GRIN2B: variants seen among roughly 807,000 people sequenced by gnomAD.
The protein encoded by GRIN2B is glutamate ionotropic receptor NMDA type subunit 2B.
In GRIN2B, 5 loss-of-function variants were observed where a neutral mutation model predicts 114.5. The ratio of observed to expected loss-of-function variants is 0.04; its 90% confidence interval spans 0.02 to 0.09. The LOEUF (loss-of-function observed/expected upper bound fraction) is 0.09, where lower values mean the gene tolerates loss of function less well. GRIN2B is among the 10% of genes least tolerant of loss of function. GRIN2B has a pLI of 1.00. For missense variants in GRIN2B, 1,108 were observed against 1,943.5 expected (o/e 0.57, Z 8.08); for synonymous variants, 787 against 745.1 (o/e 1.06, Z -0.92).
intron 4 of GRIN2B, among the ~76,000 whole-genome samples, chr12:13,748,892 A>G (rs1277954201): frequency 6.6e-6 from 1 of 152,236 alleles, no homozygotes; most frequent in African/African-American, 2.4e-5. Flanking sequence ...GTCCCATGCA[A>G]TATTTAGTAT....
rs140178991 is a variant in GRIN2B, at chr12:13,637,455, G to A, written c.1126-20798C>T. On this transcript the variant is annotated intron_variant, in intron 5 of 13. Transcript: ENST00000609686. The stretch of plus-strand genomic sequence containing the variant: ...GTGTGAAATTTAATTACACACCTGT[G>A]TACATTTCCTCAAGAAAAATATCAG... Among the ~76,000 whole-genome samples, 281 of 152,206 alleles carry A rather than the reference G, an allele frequency of 1.8e-3. 3 individuals are homozygous for A. Among genetic ancestry groups the A allele is most frequent in the African/African-American group, 6.5e-3 (269 of 41,554 alleles).
intron 2 of GRIN2B, among the ~76,000 whole-genome samples, chr12:13,961,698 G>A (rs1867694889): frequency 6.6e-6 from 1 of 152,180 alleles, no homozygotes; most frequent in African/African-American, 2.4e-5. Context: ...AGCATGAGGA[G>A]CTGTGTGCAT....
chr12:13,921,118 C>T (rs999004709), intron 2 of GRIN2B, among the ~76,000 whole-genome samples: 3 of 152,054 alleles, frequency 2.0e-5, no homozygotes, highest in Non-Finnish European at 2.9e-5. Context: ...TTTTAGGAAC[C>T]AGGCATGGTA....
intron 3 of GRIN2B, among the ~76,000 whole-genome samples, chr12:13,856,467 T>A (rs1347909637): frequency 6.6e-6 from 1 of 152,132 alleles, no homozygotes; most frequent in Non-Finnish European, 1.5e-5. Context: ...CTTGGGTCAC[T>A]GCAGCGTGTA....
intron 3 of GRIN2B, among the ~76,000 whole-genome samples, chr12:13,850,374 C>T (rs1018003781): frequency 1.1e-4 from 17 of 152,084 alleles, no homozygotes; most frequent in African/African-American, 4.1e-4. Context: ...TTCAGCTGAT[C>T]CAGGATCAAA....
rs753730949 is a variant in GRIN2B, at chr12:13,877,216, C to T, written c.-18-10990G>A. Among the ~76,000 whole-genome samples, 5 of 152,194 alleles carry T rather than the reference C, an allele frequency of 3.3e-5. No homozygotes were observed. The East Asian group carries it at 9.7e-4, about 29-fold the overall frequency. On this transcript the variant is annotated intron_variant, in intron 2 of 13. Transcript: ENST00000609686. Reference sequence around the variant, plus strand: ...ATGGTTCTGCTGATGGAACATGGCACCCAAGTATGACTCAGACTTCACCTC... The same window carrying T: ...ATGGTTCTGCTGATGGAACATGGCATCCAAGTATGACTCAGACTTCACCTC...
At chr12:13,853,945 T>A (rs1381257632) in intron 3 of GRIN2B, among the ~76,000 whole-genome samples, 1 of 152,214 alleles carries the variant, frequency 6.6e-6, no homozygotes, top group African/African-American at 2.4e-5. Context: ...AAAGACCTAG[T>A]CCTTGCCCTT....
chr12:13,923,201 G>A (rs1325902897), intron 2 of GRIN2B, among the ~76,000 whole-genome samples: 1 of 152,008 alleles, frequency 6.6e-6, no homozygotes, highest in East Asian at 1.9e-4. Flanking sequence ...TTATCTGATC[G>A]TTCAGCAATT....
At chr12:13,962,232 C>G (rs1398156693) in intron 2 of GRIN2B, among the ~76,000 whole-genome samples, 3 of 152,038 alleles carry the variant, frequency 2.0e-5, no homozygotes, top group African/African-American at 7.2e-5. Context: ...CACCGAGGAA[C>G]CAGGCGGGAG....
chr12:13,639,823 A>G (rs1320732367), intron 5 of GRIN2B, among the ~76,000 whole-genome samples: 1 of 149,796 alleles, frequency 6.7e-6, no homozygotes, highest in African/African-American at 2.5e-5. Flanking sequence ...TCCTCTACTC[A>G]TTTTCTTTTT....
chr12:13,690,659 G>C (rs928332635), intron 4 of GRIN2B, among the ~76,000 whole-genome samples: 12 of 152,104 alleles, frequency 7.9e-5, no homozygotes, highest in African/African-American at 2.9e-4. Flanking sequence ...TCTCTCCATG[G>C]TATTGTGCCC....
intron 2 of GRIN2B, among the ~76,000 whole-genome samples, chr12:13,905,967 C>T (rs142398738): frequency 1.4e-4 from 22 of 152,212 alleles, no homozygotes; most frequent in Admixed American, 4.6e-4. Flanking sequence ...CCCTAGGCTC[C>T]CCGCTTGGGT....
rs1446478185 is a variant in GRIN2B at position 13,549,931 on chromosome 12, AC to A, written c.*12851del. 1 of 152,098 alleles carries A rather than the reference AC, an allele frequency of 6.6e-6. No homozygotes were observed. The highest frequency in any genetic ancestry group is 2.4e-5 in the African/African-American group (1 of 41,408). 9.4% of individuals were successfully genotyped at this position (152,098 alleles called of 1,614,324 possible). On this transcript the variant is annotated 3_prime_UTR_variant, in exon 14 of 14. Coordinates refer to ENST00000609686, the MANE Select transcript of GRIN2B (RefSeq NM_000834.5). ...CTAAATCAGCTGCCTAGATTTCGTG[AC>A]TTTTCTCCACTGCTAGATGCTGAAA...
rs1948238162 is a variant in GRIN2B, at chr12:13,538,546, G to A, written c.*24237C>T. On this transcript the variant is annotated 3_prime_UTR_variant, in exon 14 of 14. Transcript: ENST00000609686. ...AAACTAGAGCCAAGATGGGCACAGTGGCTCACACCTGTAATCCTAGCATCA... is the reference window on the plus strand; with the variant it reads ...AAACTAGAGCCAAGATGGGCACAGTAGCTCACACCTGTAATCCTAGCATCA... 1 of 152,116 alleles carries A rather than the reference G, an allele frequency of 6.6e-6. No homozygotes were observed. Among genetic ancestry groups the A allele is most frequent in the Admixed American group, 6.5e-5 (1 of 15,270 alleles). The allele number at this position is 152,116 out of a possible 1,614,324, so 9.4% of individuals were successfully genotyped here.
intron 2 of GRIN2B, among the ~76,000 whole-genome samples, chr12:13,940,917 T>A (rs1867236227): frequency 6.6e-6 from 1 of 151,740 alleles, no homozygotes; most frequent in Non-Finnish European, 1.5e-5. Context: ...ACTAGGGGAC[T>A]CTCCACACAC....
intron 4 of GRIN2B, among the ~76,000 whole-genome samples, chr12:13,686,521 T>C (rs1950175330): frequency 6.6e-6 from 1 of 152,192 alleles, no homozygotes; most frequent in Non-Finnish European, 1.5e-5. Flanking sequence ...ACATGCTCTT[T>C]AATGCTTCTG....
At chr12:13,853,973 G>A (rs571079676) in intron 3 of GRIN2B, among the ~76,000 whole-genome samples, 2 of 152,290 alleles carry the variant, frequency 1.3e-5, no homozygotes, top group Admixed American at 6.6e-5. Flanking sequence ...CTGTAGTCTA[G>A]CAGGACGGAG....
chr12:13,739,733 C>A (rs547925757), intron 4 of GRIN2B, among the ~76,000 whole-genome samples: 5 of 152,272 alleles, frequency 3.3e-5, no homozygotes, highest in Non-Finnish European at 5.9e-5. Context: ...AATTTTGGAA[C>A]TGGGCTGAAT....
intron 2 of GRIN2B, among the ~76,000 whole-genome samples, chr12:13,869,903 C>G (rs190535097): frequency 6.6e-6 from 1 of 152,104 alleles, no homozygotes; most frequent in African/African-American, 2.4e-5. Flanking sequence ...ACCTACATAC[C>G]TGAAAGATTT....
Sources: allele counts gnomAD v4.1 joint callset (sites outside exome capture counted in the v4.1 genomes callset), GRCh38; gene constraint gnomAD v4.1.1; transcripts MANE v1.5; gene names NCBI Gene and HGNC (gene_info 2026-07-23, HGNC 2026-07-21).